Variants in KANSL1 observed in about 807,000 individuals in gnomAD.
KANSL1 encodes the protein MLL1/MLL complex subunit KANSL1.
A neutral mutation model predicts 103.6 loss-of-function variants in KANSL1; 22 were observed. The observed-to-expected ratio is 0.21, with a 90% CI of 0.15 to 0.30. The LOEUF (loss-of-function observed/expected upper bound fraction) is 0.30, where lower values mean the gene tolerates loss of function less well. KANSL1 is among the 10% of genes least tolerant of loss of function. The pLI, the probability that KANSL1 is intolerant of heterozygous loss-of-function variation, is 1.00. For missense variants in KANSL1, 1,337 were observed against 1,399.8 expected (o/e 0.96, Z 0.72); for synonymous variants, 600 against 527.6 (o/e 1.14, Z -1.88).
chr17:46,147,934 G>C (rs1347482024), intron 2 of KANSL1, among the ~76,000 whole-genome samples: 3 of 152,200 alleles, frequency 2.0e-5, no homozygotes, highest in Non-Finnish European at 4.4e-5. Flanking sequence ...TGTATTTAGG[G>C]TAGAAATAAC....
At chr17:46,123,090 T>C (rs1423425552) in intron 2 of KANSL1, among the ~76,000 whole-genome samples, 1 of 152,240 alleles carries the variant, frequency 6.6e-6, no homozygotes, top group Non-Finnish European at 1.5e-5. Flanking sequence ...AGAATTTTTT[T>C]TAGAGACGGG....
At chr17:46,121,178 CT>C (rs76101560) in intron 2 of KANSL1, 326 of 143,886 alleles carry the variant, frequency 2.3e-3, no homozygotes, top group Non-Finnish European at 2.7e-3. Flanking sequence ...CCCCCTAACT[CT>C]TTTTTTTTTT....
intron 1 of KANSL1, among the ~76,000 whole-genome samples, chr17:46,183,560 G>GGGGAGGA (rs1350591471): frequency 6.8e-6 from 1 of 146,036 alleles, no homozygotes; most frequent in African/African-American, 2.5e-5. Flanking sequence ...AAAGAGGAGA[G>GGGGAGGA]GGGAGGAGAG....
At chr17:46,140,238 T>A (rs377007237) in intron 2 of KANSL1, among the ~76,000 whole-genome samples, 1 of 151,858 alleles carries the variant, frequency 6.6e-6, no homozygotes, top group African/African-American at 2.4e-5. Flanking sequence ...CCGGAAAAAA[T>A]TTTAAGCTGC....
chr17:46,036,462 T>C (rs908926418), intron 10 of KANSL1, among the ~76,000 whole-genome samples: 2 of 152,240 alleles, frequency 1.3e-5, no homozygotes, highest in Admixed American at 6.5e-5. Context: ...GGTACAGATT[T>C]TTCTTTTCAT....
At chr17:46,143,430 G>A (rs575613091) in intron 2 of KANSL1, among the ~76,000 whole-genome samples, 1 of 152,030 alleles carries the variant, frequency 6.6e-6, no homozygotes, top group East Asian at 1.9e-4. Context: ...CGAGACAGAG[G>A]TTGCAGTGAG....
intron 1 of KANSL1, among the ~76,000 whole-genome samples, chr17:46,216,906 T>C (rs947240891): frequency 2.0e-5 from 3 of 151,974 alleles, no homozygotes; most frequent in African/African-American, 7.2e-5. Context: ...AGGAGTTCAA[T>C]ATCAGCCTGG....
intron 7 of KANSL1, among the ~76,000 whole-genome samples, chr17:46,048,370 C>G (rs1203055614): frequency 6.6e-6 from 1 of 151,808 alleles, no homozygotes; most frequent in African/African-American, 2.4e-5. Flanking sequence ...GAGTTGGAGA[C>G]CAGCCTGGCC....
intron 2 of KANSL1, among the ~76,000 whole-genome samples, chr17:46,125,059 GA>G (rs2043473049): frequency 1.6e-5 from 1 of 62,904 alleles, no homozygotes; most frequent in South Asian, 6.7e-4. Context: ...AGGGAGGGAG[GA>G]GGGAGGGAGG....
At chr17:46,176,597 A>G (rs889028008) in intron 1 of KANSL1, among the ~76,000 whole-genome samples, 2 of 152,120 alleles carry the variant, frequency 1.3e-5, no homozygotes, top group African/African-American at 4.8e-5. Flanking sequence ...AGGCTGAGAC[A>G]TGAGAATCAC....
intron 3 of KANSL1, among the ~76,000 whole-genome samples, chr17:46,084,043 C>T (rs1324696790): frequency 6.6e-6 from 1 of 150,734 alleles, no homozygotes; most frequent in Non-Finnish European, 1.5e-5. Flanking sequence ...GAAGCACTGC[C>T]TCCCTATTCT....
At position 46,082,684 on chromosome 17, in the gene KANSL1, G is replaced by A. The variant is rs62060852; in HGVS notation, c.1432-142C>T. 0.15 allele frequency: 70,520 copies of A among 463,958 alleles called. 7,003 individuals carry two copies. Among genetic ancestry groups the A allele is most frequent in the Non-Finnish European group, 0.2 (53,236 of 260,826 alleles). The allele number at this position is 463,958 out of a possible 1,614,324, so 28.7% of individuals were successfully genotyped here. A position where few individuals can be genotyped will look rare whatever the true frequency, so the allele number is the denominator to read the frequency against. ...TATGGTTCAGAAACAAACTACAGCA[G>A]CAGCAGCTTTGTTTTCCCAAAGAGC... On this transcript the variant is annotated intron_variant, in intron 3 of 14. Coordinates refer to ENST00000432791, the MANE Select transcript of KANSL1 (RefSeq NM_015443.4).
At chr17:46,151,460 A>C (rs1222177310) in intron 2 of KANSL1, among the ~76,000 whole-genome samples, 8 of 152,170 alleles carry the variant, frequency 5.3e-5, no homozygotes, top group Admixed American at 4.6e-4. Flanking sequence ...TAATATAGAC[A>C]TCTCTCTCCC....
Position 46,040,245 on chromosome 17 carries a change from T to TA in KANSL1, c.2021-362dup, listed in dbSNP as rs1413703677. ...TAAGCCTACTTCTTTTCTATCAATA[T>TA]AAAGTTAATCAGGATGCAATTATTC... is the stretch of plus-strand genomic sequence containing the variant. On this transcript the variant is annotated intron_variant, in intron 7 of 14. Transcript: ENST00000432791. 1.9e-5 allele frequency: 5 copies of TA among 258,716 alleles called. No homozygotes were observed. In the East Asian group the frequency reaches 4.6e-4, roughly 24 times the overall value. 16.0% of individuals were successfully genotyped at this position (258,716 alleles called of 1,614,324 possible).
intron 1 of KANSL1, among the ~76,000 whole-genome samples, chr17:46,219,424 G>A (rs1323580423): frequency 3.9e-5 from 6 of 152,070 alleles, no homozygotes; most frequent in Admixed American, 1.3e-4. Flanking sequence ...CTGCAGGGGC[G>A]CAATCACAGT....
chr17:46,110,477 T>A (rs1478579499), intron 2 of KANSL1, among the ~76,000 whole-genome samples: 1 of 152,296 alleles, frequency 6.6e-6, no homozygotes, highest in Admixed American at 6.5e-5. Flanking sequence ...CTAAGTAACT[T>A]GTCTAAGGTC....
Position 46,038,598 on chromosome 17 carries a change from G to A in KANSL1, c.2481C>T (p.Ser827=), listed in dbSNP as rs143653891. ...PPHSPLVRQL[S]TSSDSPAPAS... ...CGGGTGCAGGGGAATCTGAGGAGGT[G>A]GAGAGCTGTCGCACCAAGGGACTGT... Residue 827 remains serine, a synonymous_variant, in exon 10 of 15, where the codon TCC becomes TCT. Transcript: ENST00000432791. 4.8e-4 allele frequency: 777 copies of A among 1,614,144 alleles called. 1 individual carries two copies. The highest frequency in any genetic ancestry group is 5.7e-4 in the Non-Finnish European group (677 of 1,180,028).
At chr17:46,058,729 ACACACACACACACACTCTCTCTCTCTCT>A (rs774449097) in intron 6 of KANSL1, among the ~76,000 whole-genome samples, 89 of 73,328 alleles carry the variant, frequency 1.2e-3, no homozygotes, top group Non-Finnish European at 2.1e-3. Context: ...ACACACACAC[ACACACACACACACACTCTCTCTCTCTCT>A]CTCTCTCTCT....
intron 2 of KANSL1, among the ~76,000 whole-genome samples, chr17:46,139,916 C>T (rs2044336868): frequency 6.6e-6 from 1 of 152,134 alleles, no homozygotes; most frequent in African/African-American, 2.4e-5. Context: ...TACTTTTGGT[C>T]CTGGTTTACA....
Sources: allele counts gnomAD v4.1 joint callset (sites outside exome capture counted in the v4.1 genomes callset), GRCh38; gene constraint gnomAD v4.1.1; transcripts MANE v1.5; gene names NCBI Gene and HGNC (gene_info 2026-07-23, HGNC 2026-07-21).